NUDC: variants seen among roughly 807,000 people sequenced by gnomAD.
The protein encoded by NUDC is nuclear distribution C, dynein complex regulator.
A neutral mutation model predicts 45.0 loss-of-function variants in NUDC; 14 were observed. That is an observed-to-expected ratio of 0.31 (90% CI 0.21 to 0.49). The LOEUF is 0.49. NUDC is among the 20% of genes least tolerant of loss of function. NUDC has a pLI of 0.99. For missense variants in NUDC, 323 were observed against 426.2 expected (o/e 0.76, Z 2.13); for synonymous variants, 153 against 156.7 (o/e 0.98, Z 0.17).
At chr1:26,931,295 C>G (rs1204283282) in intron 2 of NUDC, among the ~76,000 whole-genome samples, 3 of 149,820 alleles carry the variant, frequency 2.0e-5, no homozygotes, top group African/African-American at 7.3e-5. Flanking sequence ...CCAGGCTGAT[C>G]TCGAACTCCT....
upstream of NUDC, among the ~76,000 whole-genome samples, chr1:26,920,123 T>C (rs553272654): frequency 3.3e-5 from 5 of 152,142 alleles, no homozygotes; most frequent in East Asian, 7.7e-4. Context: ...ACCTGAGAAG[T>C]TGAGTAAGAT....
At chr1:26,902,835 G>A (rs967037302) in intron 2 of NUDC, among the ~76,000 whole-genome samples, 2 of 152,022 alleles carry the variant, frequency 1.3e-5, no homozygotes, top group Admixed American at 6.6e-5. Flanking sequence ...GATCACTTGA[G>A]GTCCAGAGTT....
intron 2 of NUDC, among the ~76,000 whole-genome samples, chr1:26,933,048 A>T (rs2082196290): frequency 6.6e-6 from 1 of 151,752 alleles, no homozygotes; most frequent in Non-Finnish European, 1.5e-5. Context: ...GCTCACTGCA[A>T]CCTCAGCCTC....
At chr1:26,925,711 A>G (rs1339775313) in intron 2 of NUDC, among the ~76,000 whole-genome samples, 1 of 149,184 alleles carries the variant, frequency 6.7e-6, no homozygotes, top group Non-Finnish European at 1.5e-5. Flanking sequence ...TTGTTATATC[A>G]TGAGGAATTT....
chr1:26,946,478 T>G lies in NUDC; in HGVS notation c.*297T>G. On this transcript the variant is annotated 3_prime_UTR_variant, in exon 9 of 9. Coordinates refer to ENST00000321265, the MANE Select transcript of NUDC (RefSeq NM_006600.4). ...TGCTGCTGGGAACTGGGAGTTTGGC[T>G]TCTAGCCCAGATTCTGCCATGTGAC... is the stretch of plus-strand genomic sequence containing the variant. 1 of 454,554 alleles carries G rather than the reference T, an allele frequency of 2.2e-6. No homozygotes were observed. Among genetic ancestry groups the G allele is most frequent in the South Asian group, 2.1e-5 (1 of 47,594 alleles). 28.2% of individuals were successfully genotyped at this position (454,554 alleles called of 1,614,324 possible).
rs148040321 is a variant in NUDC, at chr1:26,913,410, G to A, written c.93+2175G>A. On this transcript the variant is annotated intron_variant, in intron 3 of 6. Transcript: ENST00000435827. Reference sequence around the variant, plus strand: ...ACCCAGGAGTGTCTGGGAGCTCACCGGGGTTGAAGAGGATGGTCCCTTTCA... The same window carrying A: ...ACCCAGGAGTGTCTGGGAGCTCACCAGGGTTGAAGAGGATGGTCCCTTTCA... 1.2e-5 allele frequency: 19 copies of A among 1,613,838 alleles called. No individual in the cohort carries two copies. The highest frequency in any genetic ancestry group is 4.0e-5 in the African/African-American group (3 of 74,896).
chr1:26,903,034 A>AG (rs2081987242), intron 2 of NUDC, among the ~76,000 whole-genome samples: 1 of 151,756 alleles, frequency 6.6e-6, no homozygotes, highest in African/African-American at 2.4e-5. Context: ...CCTGGGCAAC[A>AG]GAGCGAGACT....
In NUDC at chr1:26,942,994, A is replaced by G; in HGVS notation, c.670A>G (p.Asn224Asp). The change falls in exon 6 of 9, where the codon AAT becomes GAT. Residue 224 changes from asparagine (N) to aspartate (D), a missense_variant. Asn to Asp is a conservative substitution (Grantham distance 23). This residue lies in a region of NUDC where 245 missense variants were observed against 278.8 expected (regional missense o/e 0.88). Coordinates refer to ENST00000321265, the MANE Select transcript of NUDC (RefSeq NM_006600.4). The stretch of plus-strand genomic sequence containing the variant: ...AGCGATCATTGATGGGGAGCTCTAC[A>G]ATGAAGTGAAGGTGGAGGAGAGCTC... The part of the protein sequence containing the change: ...QPAIIDGELY[N>D]EVKVEESSWL... 1.2e-6 allele frequency: 2 copies of G among 1,614,062 alleles called. No homozygotes were observed. Among genetic ancestry groups the G allele is most frequent in the South Asian group, 1.1e-5 (1 of 91,074 alleles).
At chr1:26,941,016 G>T (rs1426257114) in intron 2 of NUDC, among the ~76,000 whole-genome samples, 1 of 150,794 alleles carries the variant, frequency 6.6e-6, no homozygotes, top group Non-Finnish European at 1.5e-5. Context: ...CTGCCTCCCA[G>T]GTTCAAGCGA....
chr1:26,924,132 T>C lies in NUDC; in HGVS notation c.125T>C (p.Phe42Ser). ...FFSFLRRKTDFFIGGEEGMAE... is the reference protein window; with the variant it reads ...FFSFLRRKTDSFIGGEEGMAE... The stretch of plus-strand genomic sequence containing the variant: ...AGCTTCCTTCGACGCAAAACAGACT[T>C]TTTCATTGGAGGAGAAGAAGGGATG... The change falls in exon 2 of 9, where the codon TTT (phenylalanine) becomes TCT (serine). Residue 42 changes from phenylalanine (F) to serine (S), a missense_variant. Phe to Ser is a radical substitution (Grantham distance 155). Transcript: ENST00000321265. 1 of 1,614,062 alleles carries C rather than the reference T, an allele frequency of 6.2e-7. No homozygotes were observed. The highest frequency in any genetic ancestry group is 1.1e-5 in the South Asian group (1 of 91,082).
Position 26,908,186 on chromosome 1 carries a change from A to T in NUDC, c.-15-2942A>T, listed in dbSNP as rs112143769. Among the ~76,000 whole-genome samples, 4 of 152,190 alleles carry T rather than the reference A, an allele frequency of 2.6e-5. 1 individual carries two copies. Among genetic ancestry groups the T allele is most frequent in the African/African-American group, 9.6e-5 (4 of 41,534 alleles). On this transcript the variant is annotated intron_variant, in intron 2 of 6. Transcript: ENST00000435827. ...AAGAGTGAAACTCCATCTAAAAAAAAAAAAGAGTCTTAGCACAGACAGTGA... is the reference window on the plus strand; with the variant it reads ...AAGAGTGAAACTCCATCTAAAAAAATAAAAGAGTCTTAGCACAGACAGTGA...
At chr1:26,932,325 CA>C (rs2082190359) in intron 2 of NUDC, among the ~76,000 whole-genome samples, 1 of 151,872 alleles carries the variant, frequency 6.6e-6, no homozygotes, top group Non-Finnish European at 1.5e-5. Flanking sequence ...TACAGGTGCG[CA>C]CAACCATGCC....
upstream of NUDC, among the ~76,000 whole-genome samples, chr1:26,919,048 G>A (rs947199947): frequency 6.6e-6 from 1 of 151,850 alleles, no homozygotes; most frequent in Admixed American, 6.6e-5. Flanking sequence ...AAAGTGCTGG[G>A]ATTACAGGCA....
intron 2 of NUDC, among the ~76,000 whole-genome samples, chr1:26,937,039 C>T (rs1484936532): frequency 6.6e-6 from 1 of 152,186 alleles, no homozygotes; most frequent in Non-Finnish European, 1.5e-5. Context: ...TTTGCCATGA[C>T]CACCTTTTCA....
At chr1:26,933,861 A>G (rs2082203814) in intron 2 of NUDC, among the ~76,000 whole-genome samples, 1 of 152,216 alleles carries the variant, frequency 6.6e-6, no homozygotes, top group Non-Finnish European at 1.5e-5. Flanking sequence ...TTCATAAAGA[A>G]AAGAGGATTA....
upstream of NUDC, among the ~76,000 whole-genome samples, chr1:26,920,881 G>A (rs780180543): frequency 2.0e-5 from 3 of 152,068 alleles, no homozygotes; most frequent in African/African-American, 4.8e-5. Flanking sequence ...CAAGGCTGCC[G>A]TAAGCCAAGA....
chr1:26,932,294 A>G (rs2124115075), intron 2 of NUDC, among the ~76,000 whole-genome samples: 1 of 151,590 alleles, frequency 6.6e-6, no homozygotes, highest in East Asian at 1.9e-4. Context: ...CTCCTGCCTC[A>G]GCCTCCTGAG....
chr1:26,942,972 G>A lies in NUDC; in HGVS notation c.648G>A (p.Ala216=), dbSNP rs147512061. 293 of 1,614,140 alleles carry A rather than the reference G, an allele frequency of 1.8e-4. 1 individual carries two copies. The African/African-American group carries it at 3.4e-3, about 19-fold the overall frequency. ...HLRVGLKGQP[A]IIDGELYNEV... Reference sequence around the variant, plus strand: ...GGGTGGGGCTCAAGGGGCAGCCAGCGATCATTGATGGGGAGCTCTACAATG... The same window carrying A: ...GGGTGGGGCTCAAGGGGCAGCCAGCAATCATTGATGGGGAGCTCTACAATG... Residue 216 remains alanine (A), a synonymous_variant, in exon 6 of 9, where the codon GCG becomes GCA. Coordinates refer to ENST00000321265, the MANE Select transcript of NUDC (RefSeq NM_006600.4).
intron 6 of NUDC, among the ~76,000 whole-genome samples, chr1:26,944,535 A>T (rs1378398651): frequency 3.3e-5 from 5 of 152,048 alleles, no homozygotes; most frequent in Non-Finnish European, 2.9e-5. Context: ...TGGGCGTGGT[A>T]GCTCATGCCT....
Sources: gnomAD v4.1 joint callset for allele counts (sites outside exome capture counted in the v4.1 genomes callset) on GRCh38, gnomAD v4.1.1 for gene constraint, gnomAD v4.1.1 regional missense constraint, MANE v1.5 for transcripts, NCBI Gene and HGNC (gene_info 2026-07-23, HGNC 2026-07-21) for gene names.